The following DLGAP2 variants were observed in gnomAD, a reference collection of about 807,000 sequenced individuals.
DLGAP2 encodes DLG associated protein 2, also known as disks large-associated protein 2.
Under a neutral mutation model 100.3 loss-of-function variants are expected in DLGAP2, and 26 were observed. That is an observed-to-expected ratio of 0.26 (90% CI 0.19 to 0.36). DLGAP2 has a LOEUF of 0.36. Among genes scored for constraint, DLGAP2 ranks in the 10% least tolerant of loss-of-function variants. The pLI is 1.00. For synonymous variants in DLGAP2, 886 were observed against 630.1 expected (o/e 1.41, Z -6.08); for missense variants, 1,858 against 1,453.2 (o/e 1.28, Z -4.53).
chr8:861,086 C>T (rs990250150), intron 1 of DLGAP2, among the ~76,000 whole-genome samples: 1 of 151,970 alleles, frequency 6.6e-6, no homozygotes, highest in African/African-American at 2.4e-5. Context: ...GGGAGTGGGG[C>T]AGTGAGGTGG....
Position 1,125,802 on chromosome 8 carries a change from C to T in DLGAP2, c.74-133049C>T, listed in dbSNP as rs537270496. Among the ~76,000 whole-genome samples, 29 of 152,316 alleles carry T rather than the reference C, an allele frequency of 1.9e-4. No individual in the cohort carries two copies. The East Asian group carries it at 2.5e-3, about 13-fold the overall frequency. On this transcript the variant is annotated intron_variant, in intron 2 of 14. Transcript: ENST00000637795. ...CAAAACATTGCAGAGGCGGGAAGGCCGCTCTACAGCTAGGCTCTTAAGCCT... is the reference window on the plus strand; with the variant it reads ...CAAAACATTGCAGAGGCGGGAAGGCTGCTCTACAGCTAGGCTCTTAAGCCT...
intron 3 of DLGAP2, among the ~76,000 whole-genome samples, chr8:1,310,302 A>G (rs553552306): frequency 1.1e-4 from 17 of 152,356 alleles, no homozygotes; most frequent in African/African-American, 3.4e-4. Flanking sequence ...AGAAGGGTCA[A>G]TTCAACAAGG....
At chr8:1,094,298 C>T (rs1211259911) in intron 2 of DLGAP2, among the ~76,000 whole-genome samples, 1 of 152,202 alleles carries the variant, frequency 6.6e-6, no homozygotes, top group Non-Finnish European at 1.5e-5. Flanking sequence ...GGCATTTTAA[C>T]TTTAATTATG....
chr8:794,228 C>G (rs1456995573), intron 1 of DLGAP2, among the ~76,000 whole-genome samples: 1 of 151,804 alleles, frequency 6.6e-6, no homozygotes, highest in African/African-American at 2.4e-5. Context: ...AATGGGGTCC[C>G]TGGTGGTGTG....
intron 2 of DLGAP2, among the ~76,000 whole-genome samples, chr8:1,145,165 A>C (rs949241708): frequency 6.6e-6 from 1 of 152,146 alleles, no homozygotes; most frequent in Non-Finnish European, 1.5e-5. Flanking sequence ...AGCAACCAGA[A>C]ACACAACTTT....
In DLGAP2 at chr8:1,157,152, G is replaced by A. The variant is rs1008508396; in HGVS notation, c.74-101699G>A. On this transcript the variant is annotated intron_variant, in intron 2 of 14. Coordinates refer to ENST00000637795, the MANE Select transcript of DLGAP2 (RefSeq NM_001346810.2). Reference sequence around the variant, plus strand: ...TGGGCTTGTGGATTTACTGGTGACCGCGGGGAAAAGTTCTCTCTCTTTAGC... The same window carrying A: ...TGGGCTTGTGGATTTACTGGTGACCACGGGGAAAAGTTCTCTCTCTTTAGC... 2.6e-5 allele frequency among the ~76,000 whole-genome samples: 4 copies of A among 152,140 alleles called. No individual in the cohort carries two copies. In the East Asian group the frequency reaches 5.8e-4, roughly 22 times the overall value.
At chr8:1,391,028 G>A (rs1254170090) in intron 3 of DLGAP2, among the ~76,000 whole-genome samples, 2 of 152,202 alleles carry the variant, frequency 1.3e-5, no homozygotes, top group African/African-American at 4.8e-5. Flanking sequence ...GGGGTCATCT[G>A]GAACACGTGC....
chr8:1,021,542 G>T (rs1216309511), intron 2 of DLGAP2, among the ~76,000 whole-genome samples: 2 of 152,186 alleles, frequency 1.3e-5, no homozygotes, highest in Admixed American at 6.5e-5. Flanking sequence ...TTTGTGGGCA[G>T]GCAGACACCT....
intron 4 of DLGAP2, among the ~76,000 whole-genome samples, chr8:1,541,359 A>G (rs1291875965): frequency 6.6e-6 from 1 of 152,238 alleles, no homozygotes; most frequent in African/African-American, 2.4e-5. Context: ...AATATCAAAC[A>G]TAAAAACTAA....
intron 2 of DLGAP2, among the ~76,000 whole-genome samples, chr8:925,459 G>C (rs991844614): frequency 7.2e-5 from 11 of 152,122 alleles, no homozygotes; most frequent in African/African-American, 2.4e-4. Flanking sequence ...CTGTGTGGAG[G>C]CTGGACAGGG....
At chr8:1,501,138 G>T (rs1011591176) in intron 3 of DLGAP2, among the ~76,000 whole-genome samples, 4 of 152,164 alleles carry the variant, frequency 2.6e-5, no homozygotes, top group Non-Finnish European at 4.4e-5. Flanking sequence ...TGTCTAGGTG[G>T]GAGAAATACG....
At chr8:1,028,177 C>G (rs1801868031) in intron 2 of DLGAP2, among the ~76,000 whole-genome samples, 1 of 145,078 alleles carries the variant, frequency 6.9e-6, no homozygotes. Context: ...GCCCGTTATT[C>G]TCCAGTTGGG....
At chr8:1,434,021 C>T (rs888462875) in intron 3 of DLGAP2, among the ~76,000 whole-genome samples, 6 of 152,128 alleles carry the variant, frequency 3.9e-5, no homozygotes, top group Non-Finnish European at 8.8e-5. Flanking sequence ...TAAGCCTCTC[C>T]ATGCCCTGCA....
In DLGAP2 at chr8:1,549,522, T is replaced by C. The variant is rs756329748; in HGVS notation, c.1069T>C (p.Leu357=). 1 of 1,613,326 alleles carries C rather than the reference T, an allele frequency of 6.2e-7. No homozygotes were observed. Among genetic ancestry groups the C allele is most frequent in the South Asian group, 1.1e-5 (1 of 91,058 alleles). ...CGTCAAGTGCTCGGCCTGTGAGGGG[T>C]TGGCGCTGACGCCCGACGCCAAGTA... ...NDVKCSACEG[L]ALTPDAKYLK... is the part of the protein sequence containing the mutation. The change falls in exon 5 of 15, where the codon TTG becomes CTG. Residue 357 remains leucine (L), a synonymous_variant. Transcript: ENST00000637795.
chr8:1,206,872 C>A (rs1050218465), intron 2 of DLGAP2, among the ~76,000 whole-genome samples: 1 of 152,176 alleles, frequency 6.6e-6, no homozygotes, highest in African/African-American at 2.4e-5. Flanking sequence ...AGCCTTCTCA[C>A]GATCCATCCC....
At chr8:1,043,348 G>C (rs1183289588) in intron 2 of DLGAP2, among the ~76,000 whole-genome samples, 2 of 146,564 alleles carry the variant, frequency 1.4e-5, no homozygotes, top group Non-Finnish European at 3.0e-5. Context: ...TGGTGGGTGT[G>C]GGTGGTGGGT....
chr8:838,735 G>T (rs1215584306), intron 1 of DLGAP2, among the ~76,000 whole-genome samples: 1 of 152,130 alleles, frequency 6.6e-6, no homozygotes, highest in Non-Finnish European at 1.5e-5. Flanking sequence ...AAAAGAACAA[G>T]TAATGAAGAA....
At chr8:1,033,991 C>T (rs13272349) in intron 2 of DLGAP2, among the ~76,000 whole-genome samples, 1,135 of 85,358 alleles carry the variant, frequency 0.013, 1 homozygote, top group Non-Finnish European at 0.019. Flanking sequence ...TGGACTCACA[C>T]CCTCATCCCG....
chr8:868,353 A>G (rs571189697), intron 1 of DLGAP2, among the ~76,000 whole-genome samples: 120 of 152,286 alleles, frequency 7.9e-4, no homozygotes, highest in African/African-American at 2.8e-3. Flanking sequence ...GCATGTACTT[A>G]CAAGGTCACC....
Sources: allele counts gnomAD v4.1 joint callset (sites outside exome capture counted in the v4.1 genomes callset), GRCh38; gene constraint gnomAD v4.1.1; transcripts MANE v1.5; gene names NCBI Gene and HGNC (gene_info 2026-07-23, HGNC 2026-07-21).